GRM5: variants seen among roughly 807,000 people sequenced by gnomAD.
The protein encoded by GRM5 is glutamate metabotropic receptor 5, also known as metabotropic glutamate receptor 5.
Under a neutral mutation model 83.1 loss-of-function variants are expected in GRM5, and 19 were observed. The observed-to-expected ratio is 0.23, with a 90% CI of 0.16 to 0.34. The LOEUF is 0.34. GRM5 is among the 10% of genes least tolerant of loss of function. GRM5 has a pLI of 1.00. For missense variants in GRM5, 1,160 were observed against 1,588.3 expected (o/e 0.73, Z 4.58); for synonymous variants, 675 against 633.6 (o/e 1.07, Z -0.98).
intron 2 of GRM5, among the ~76,000 whole-genome samples, chr11:88,990,190 A>T (rs1162926396): frequency 4.0e-5 from 6 of 150,758 alleles, no homozygotes; most frequent in Non-Finnish European, 8.8e-5. Context: ...ATCACCACCG[A>T]TCCCACAGAA....
chr11:88,770,765 G>T (rs745356502), intron 3 of GRM5, among the ~76,000 whole-genome samples: 1 of 152,060 alleles, frequency 6.6e-6, no homozygotes, highest in Non-Finnish European at 1.5e-5. Context: ...CATTTTGGGG[G>T]CATCTAATGA....
At chr11:88,580,410 A>G (rs116879422) in intron 7 of GRM5, among the ~76,000 whole-genome samples, 1 of 152,362 alleles carries the variant, frequency 6.6e-6, no homozygotes, top group Non-Finnish European at 1.5e-5. Context: ...CTTCAGCACA[A>G]TAGCCTTCAT....
intron 6 of GRM5, among the ~76,000 whole-genome samples, chr11:88,595,113 C>T (rs1937762478): frequency 6.6e-6 from 1 of 151,878 alleles, no homozygotes; most frequent in African/African-American, 2.4e-5. Flanking sequence ...TTTTCTTATA[C>T]TCTTTATTTT....
intron 7 of GRM5, among the ~76,000 whole-genome samples, chr11:88,584,237 CAT>C (rs1555073338): frequency 2.1e-4 from 32 of 150,904 alleles, no homozygotes; most frequent in African/African-American, 3.9e-4. Context: ...CACACACACA[CAT>C]GCTAAAGCTA....
intron 2 of GRM5, among the ~76,000 whole-genome samples, chr11:88,868,532 C>A (rs1445601665): frequency 6.6e-6 from 1 of 151,752 alleles, no homozygotes; most frequent in African/African-American, 2.4e-5. Context: ...TTGCTACTAA[C>A]TTCTTAGTTG....
At chr11:88,792,781 A>C (rs992691879) in intron 3 of GRM5, among the ~76,000 whole-genome samples, 1 of 151,980 alleles carries the variant, frequency 6.6e-6, no homozygotes, top group African/African-American at 2.4e-5. Context: ...TCTTAAACCA[A>C]TTATTAGTGT....
chr11:88,901,413 A>G (rs184264084), intron 2 of GRM5, among the ~76,000 whole-genome samples: 1 of 152,278 alleles, frequency 6.6e-6, no homozygotes, highest in East Asian at 1.9e-4. Flanking sequence ...CAATGTTAGG[A>G]AAGACCTGAG....
intron 3 of GRM5, among the ~76,000 whole-genome samples, chr11:88,683,319 T>C (rs75519417): frequency 0.013 from 1,920 of 152,286 alleles, 41 homozygotes; most frequent in African/African-American, 0.045. Flanking sequence ...CTCTATTCCT[T>C]CTCCAAAAAG....
intron 2 of GRM5, among the ~76,000 whole-genome samples, chr11:89,030,805 TA>T (rs775604955): frequency 2.6e-5 from 4 of 152,080 alleles, no homozygotes; most frequent in Non-Finnish European, 5.9e-5. Flanking sequence ...GAATTATTGG[TA>T]AAATATTCTA....
chr11:88,744,821 T>C (rs11021148), intron 3 of GRM5, among the ~76,000 whole-genome samples: 2,520 of 152,190 alleles, frequency 0.017, 43 homozygotes, highest in East Asian at 0.07. Flanking sequence ...CCAAGAACCA[T>C]TTAAAAAGTG....
chr11:88,846,690 C>A (rs1408837391), intron 3 of GRM5, among the ~76,000 whole-genome samples: 1 of 150,444 alleles, frequency 6.6e-6, no homozygotes, highest in Non-Finnish European at 1.5e-5. Flanking sequence ...TTTTTTTTTC[C>A]ACATAGCTTT....
At chr11:88,547,077 G>A (rs953986842) in intron 8 of GRM5, among the ~76,000 whole-genome samples, 5 of 152,092 alleles carry the variant, frequency 3.3e-5, no homozygotes, top group African/African-American at 7.2e-5. Flanking sequence ...TTAAAAAACA[G>A]TTTTACCTAT....
At chr11:88,928,907 TACACACACACACACAC>T (rs1555043262) in intron 2 of GRM5, among the ~76,000 whole-genome samples, 1 of 138,674 alleles carries the variant, frequency 7.2e-6, no homozygotes. Flanking sequence ...TATGTGTATA[TACACACACACACACAC>T]ACACACACAC....
intron 3 of GRM5, among the ~76,000 whole-genome samples, chr11:88,668,867 G>A (rs10741491): frequency 0.9 from 136,343 of 152,158 alleles, 61,215 homozygotes; most frequent in Admixed American, 0.94. Context: ...CAAGTTGACT[G>A]TTTTAGTCAT....
intron 2 of GRM5, among the ~76,000 whole-genome samples, chr11:88,855,111 A>G (rs1174744429): frequency 6.6e-6 from 1 of 151,948 alleles, no homozygotes; most frequent in African/African-American, 2.4e-5. Context: ...AATCAAAACC[A>G]AACTATTATA....
At chr11:89,016,739 T>C (rs1393984382) in intron 2 of GRM5, among the ~76,000 whole-genome samples, 1 of 152,140 alleles carries the variant, frequency 6.6e-6, no homozygotes, top group Non-Finnish European at 1.5e-5. Flanking sequence ...TGAGGCCAAG[T>C]CAATAAAGAC....
chr11:89,063,072 C>T (rs1942027493), intron 1 of GRM5, among the ~76,000 whole-genome samples: 1 of 152,254 alleles, frequency 6.6e-6, no homozygotes, highest in Non-Finnish European at 1.5e-5. Context: ...CACGAAGCGG[C>T]CCCTAACAGA....
intron 3 of GRM5, among the ~76,000 whole-genome samples, chr11:88,826,780 T>G (rs1044255023): frequency 2.6e-5 from 4 of 152,202 alleles, no homozygotes; most frequent in African/African-American, 9.6e-5. Context: ...AATCCCTTTA[T>G]CTACTTAAAA....
chr11:88,734,658 T>C (rs1000563768), intron 3 of GRM5, among the ~76,000 whole-genome samples: 4 of 152,094 alleles, frequency 2.6e-5, no homozygotes, highest in Non-Finnish European at 4.4e-5. Flanking sequence ...CTTAACATGC[T>C]GTAACTTTGT....
Sources: allele counts gnomAD v4.1 joint callset (sites outside exome capture counted in the v4.1 genomes callset), GRCh38; gene constraint gnomAD v4.1.1; transcripts MANE v1.5; gene names NCBI Gene and HGNC (gene_info 2026-07-23, HGNC 2026-07-21).